The following NUBPL variants were observed in gnomAD, a reference collection of about 807,000 sequenced individuals.
NUBPL encodes the protein NUBP iron-sulfur cluster assembly factor, mitochondrial.
A neutral mutation model predicts 45.7 loss-of-function variants in NUBPL; 31 were observed. That is an observed-to-expected ratio of 0.68 (90% CI 0.51 to 0.92). NUBPL has a LOEUF of 0.92. Ranked by LOEUF, NUBPL falls within the 40% of genes least tolerant of loss-of-function variation. The probability of loss-of-function intolerance (pLI) is 0.00; values close to 1 mark genes in which losing one functional copy is unlikely to be tolerated. For synonymous variants in NUBPL, 144 were observed against 140.9 expected (o/e 1.02, Z -0.15); for missense variants, 401 against 398.7 (o/e 1.01, Z -0.05).
intron 4 of NUBPL, among the ~76,000 whole-genome samples, chr14:31,616,557 G>A (rs1010753359): frequency 1.3e-5 from 2 of 151,916 alleles, no homozygotes; most frequent in Non-Finnish European, 2.9e-5. Flanking sequence ...GTTTTTGTCA[G>A]GTTTGTCAAA....
At chr14:31,699,434 T>C (rs2037285048) in intron 6 of NUBPL, among the ~76,000 whole-genome samples, 1 of 152,188 alleles carries the variant, frequency 6.6e-6, no homozygotes, top group African/African-American at 2.4e-5. Flanking sequence ...AATCACACAA[T>C]TCTATATAAT....
chr14:31,734,101 TTG>T (rs1478036783), intron 6 of NUBPL, among the ~76,000 whole-genome samples: 2 of 152,208 alleles, frequency 1.3e-5, no homozygotes, highest in Non-Finnish European at 2.9e-5. Context: ...TTAAATCATT[TTG>T]TCATGATGTA....
intron 10 of NUBPL, among the ~76,000 whole-genome samples, chr14:31,853,080 GTGTTTTGTTT>G (rs77960720): frequency 8.9e-4 from 105 of 118,342 alleles, no homozygotes; most frequent in Middle Eastern, 3.8e-3. Flanking sequence ...GTGTTGTGTT[GTGTTTTGTTT>G]TGTTTTGTTT....
chr14:31,840,069 C>T (rs1164806845), intron 8 of NUBPL, among the ~76,000 whole-genome samples: 3 of 152,130 alleles, frequency 2.0e-5, no homozygotes, highest in African/African-American at 7.2e-5. Flanking sequence ...ATTAACTATA[C>T]AACTACCATA....
chr14:31,859,402 C>T lies in NUBPL; in HGVS notation c.*222C>T. 1.8e-6 allele frequency: 1 copy of T among 559,478 alleles called. No individual in the cohort carries two copies. The highest frequency in any genetic ancestry group is 3.2e-6 in the Non-Finnish European group (1 of 310,568). The allele number at this position is 559,478 out of a possible 1,614,324, so 34.7% of individuals were successfully genotyped here. A position where few individuals can be genotyped will look rare whatever the true frequency, so the allele number is the denominator to read the frequency against. ...GAATTTTTTGAAAGCTGGTGTGTACCACCTGCAAAGAACTGCATTTTATTT... is the reference window on the plus strand; with the variant it reads ...GAATTTTTTGAAAGCTGGTGTGTACTACCTGCAAAGAACTGCATTTTATTT... On this transcript the variant is annotated 3_prime_UTR_variant, in exon 11 of 11. Coordinates refer to ENST00000281081, the MANE Select transcript of NUBPL (RefSeq NM_025152.3).
At chr14:31,789,317 CT>C (rs1185539236) in intron 7 of NUBPL, among the ~76,000 whole-genome samples, 2 of 842 alleles carry the variant, frequency 2.4e-3, no homozygotes, top group African/African-American at 2.9e-3. Flanking sequence ...CAGAGTGAGA[CT>C]CTTGTCTCAA....
chr14:31,629,698 T>A (rs1055103313), intron 4 of NUBPL, among the ~76,000 whole-genome samples: 1 of 152,164 alleles, frequency 6.6e-6, no homozygotes, highest in African/African-American at 2.4e-5. Flanking sequence ...AGAGAGTGGC[T>A]CCATGAAGAT....
chr14:31,701,087 C>G (rs1435681049), intron 6 of NUBPL, among the ~76,000 whole-genome samples: 1 of 152,138 alleles, frequency 6.6e-6, no homozygotes, highest in Non-Finnish European at 1.5e-5. Context: ...CACTCTGTGT[C>G]TAGCTCGGGG....
chr14:31,835,178 G>A (rs1165555806), intron 8 of NUBPL, among the ~76,000 whole-genome samples: 2 of 152,210 alleles, frequency 1.3e-5, no homozygotes, highest in African/African-American at 4.8e-5. Flanking sequence ...AGACTTGACT[G>A]CAGCACTGGG....
intron 4 of NUBPL, among the ~76,000 whole-genome samples, chr14:31,665,010 T>C (rs1444544567): frequency 6.6e-6 from 1 of 152,226 alleles, no homozygotes; most frequent in Non-Finnish European, 1.5e-5. Context: ...TTGATTTGCG[T>C]AGAGGTGTTT....
At chr14:31,696,290 AGGTACTTTACTGTTCTT>A (rs2037213449) in intron 6 of NUBPL, among the ~76,000 whole-genome samples, 1 of 152,196 alleles carries the variant, frequency 6.6e-6, no homozygotes, top group Non-Finnish European at 1.5e-5. Context: ...TGGAAGAGGA[AGGTACTTTACTGTTCTT>A]GGCCATGAAT....
chr14:31,729,022 T>C (rs2037987207), intron 6 of NUBPL, among the ~76,000 whole-genome samples: 1 of 152,230 alleles, frequency 6.6e-6, no homozygotes. Context: ...GGCTCACGCC[T>C]GTAATCCCAG....
At chr14:31,848,569 A>G (rs1174960264) in intron 9 of NUBPL, among the ~76,000 whole-genome samples, 1 of 152,224 alleles carries the variant, frequency 6.6e-6, no homozygotes, top group Admixed American at 6.5e-5. Flanking sequence ...CCTTTAACCT[A>G]TTATATGTCT....
intron 6 of NUBPL, among the ~76,000 whole-genome samples, chr14:31,687,531 G>A (rs558030864): frequency 6.6e-6 from 1 of 152,306 alleles, no homozygotes; most frequent in East Asian, 1.9e-4. Flanking sequence ...AAAATTCACT[G>A]TACTACATAC....
chr14:31,587,204 C>T (rs1413804740), intron 3 of NUBPL, among the ~76,000 whole-genome samples: 3 of 152,146 alleles, frequency 2.0e-5, no homozygotes, highest in Non-Finnish European at 4.4e-5. Flanking sequence ...TTCTGATACA[C>T]GTCTAGGGTT....
At chr14:31,655,939 A>G (rs574302793) in intron 4 of NUBPL, among the ~76,000 whole-genome samples, 3 of 152,324 alleles carry the variant, frequency 2.0e-5, no homozygotes, top group African/African-American at 7.2e-5. Flanking sequence ...TAGCTGTGAA[A>G]GTCCTGGTAT....
chr14:31,715,308 C>T (rs1017069583), intron 6 of NUBPL, among the ~76,000 whole-genome samples: 5 of 152,078 alleles, frequency 3.3e-5, no homozygotes, highest in African/African-American at 1.2e-4. Context: ...ATAATTATTC[C>T]ACTTTTATAG....
intron 4 of NUBPL, among the ~76,000 whole-genome samples, chr14:31,620,527 C>T (rs751081507): frequency 3.7e-4 from 57 of 152,218 alleles, no homozygotes; most frequent in Non-Finnish European, 6.8e-4. Flanking sequence ...TATCTTCTAA[C>T]AGTCAGGCCC....
chr14:31,783,709 G>T (rs1188657517), intron 6 of NUBPL, among the ~76,000 whole-genome samples: 1 of 151,996 alleles, frequency 6.6e-6, no homozygotes, highest in Non-Finnish European at 1.5e-5. Context: ...GCAGAGACAG[G>T]GTTTCACCAT....
Sources: gnomAD v4.1 joint callset for allele counts (sites outside exome capture counted in the v4.1 genomes callset) on GRCh38, gnomAD v4.1.1 for gene constraint, MANE v1.5 for transcripts, NCBI Gene and HGNC (gene_info 2026-07-23, HGNC 2026-07-21) for gene names.